The following LNX1 variants were observed in gnomAD, a reference collection of about 807,000 sequenced individuals.
The protein encoded by LNX1 is E3 ubiquitin-protein ligase LNX.
Under a neutral mutation model 68.4 loss-of-function variants are expected in LNX1, and 54 were observed. The ratio of observed to expected loss-of-function variants is 0.79; its 90% CI spans 0.63 to 0.99. The LOEUF is 0.99. Among genes scored for constraint, LNX1 ranks in the 50% least tolerant of loss-of-function variants. The probability of loss-of-function intolerance (pLI) is 0.00; values close to 1 mark genes in which losing one functional copy is unlikely to be tolerated. For missense variants in LNX1, 906 were observed against 926.4 expected (o/e 0.98, Z 0.29); for synonymous variants, 336 against 350.0 (o/e 0.96, Z 0.45).
chr4:53,476,728 A>G, intron 9 of LNX1, 25 bp downstream of exon 9: 1 of 1,590,262 alleles, frequency 6.3e-7, no homozygotes, highest in Non-Finnish European at 8.6e-7. Flanking sequence ...CCACGCCCCT[A>G]CAGGGATGTT....
At chr4:53,564,951 A>C (rs1730553618) in intron 2 of LNX1, among the ~76,000 whole-genome samples, 1 of 152,200 alleles carries the variant, frequency 6.6e-6, no homozygotes, top group African/African-American at 2.4e-5. Context: ...GGGCTTAAAA[A>C]ATGGCGCACC....
At chr4:53,541,136 C>CA (rs72599381) in intron 2 of LNX1, among the ~76,000 whole-genome samples, 410 of 24,102 alleles carry the variant, frequency 0.017, 4 homozygotes, top group African/African-American at 0.043. Context: ...GACTCTAACT[C>CA]AAAAAAAAAA....
At chr4:53,632,199 A>G (rs1488400612) in intron 1 of LNX1, among the ~76,000 whole-genome samples, 1 of 152,060 alleles carries the variant, frequency 6.6e-6, no homozygotes, top group African/African-American at 2.4e-5. Flanking sequence ...AGGTCTTTGG[A>G]ACTGACATCA....
intron 6 of LNX1, among the ~76,000 whole-genome samples, chr4:53,491,113 T>G (rs1202300851): frequency 6.6e-6 from 1 of 152,210 alleles, no homozygotes; most frequent in African/African-American, 2.4e-5. Context: ...TTTTTCCAAA[T>G]GACATGATGA....
chr4:53,579,630 A>T (rs1386499118), intron 1 of LNX1, among the ~76,000 whole-genome samples: 1 of 152,114 alleles, frequency 6.6e-6, no homozygotes, highest in Non-Finnish European at 1.5e-5. Flanking sequence ...GTCTACTGTC[A>T]ACGCACTAGA....
chr4:53,518,858 C>T (rs1034065340), intron 2 of LNX1, among the ~76,000 whole-genome samples: 1 of 152,116 alleles, frequency 6.6e-6, no homozygotes, highest in Admixed American at 6.6e-5. Context: ...TTTTCATAAC[C>T]TTATATTCTT....
chr4:53,516,380 T>C (rs1003360571), intron 2 of LNX1, among the ~76,000 whole-genome samples: 8 of 152,112 alleles, frequency 5.3e-5, no homozygotes, highest in African/African-American at 1.9e-4. Flanking sequence ...AAAACGACAA[T>C]GTATGCACTT....
At chr4:53,469,837 A>C (rs1337541200) in intron 9 of LNX1, among the ~76,000 whole-genome samples, 1 of 152,220 alleles carries the variant, frequency 6.6e-6, no homozygotes, top group Non-Finnish European at 1.5e-5. Flanking sequence ...TCTGAAATTG[A>C]GGCAATAATT....
At chr4:53,494,039 T>C (rs1313143632) in intron 6 of LNX1, among the ~76,000 whole-genome samples, 1 of 152,172 alleles carries the variant, frequency 6.6e-6, no homozygotes, top group Non-Finnish European at 1.5e-5. Context: ...CCAGGTACTA[T>C]TTATCATTTC....
chr4:53,645,148 G>A (rs752445387), intron 1 of LNX1, among the ~76,000 whole-genome samples: 2 of 152,160 alleles, frequency 1.3e-5, no homozygotes, highest in Admixed American at 6.5e-5. Context: ...CCTGGGGCAG[G>A]AGTGTAACCT....
chr4:53,489,146 T>C (rs1724518332), intron 6 of LNX1, among the ~76,000 whole-genome samples: 1 of 152,176 alleles, frequency 6.6e-6, no homozygotes, highest in East Asian at 1.9e-4. Context: ...TATGAGTATC[T>C]CATGCTGAAG....
chr4:53,645,818 T>C (rs1360307550), intron 1 of LNX1, among the ~76,000 whole-genome samples: 1 of 152,214 alleles, frequency 6.6e-6, no homozygotes, highest in Non-Finnish European at 1.5e-5. Context: ...TAAAGATGTT[T>C]TGAATGAATA....
intron 2 of LNX1, among the ~76,000 whole-genome samples, chr4:53,528,937 G>A (rs947237827): frequency 1.3e-5 from 2 of 151,966 alleles, no homozygotes; most frequent in African/African-American, 4.8e-5. Flanking sequence ...GGTGGGAAGA[G>A]GCTACCCATA....
chr4:53,541,120 G>A (rs2109659262), intron 2 of LNX1, among the ~76,000 whole-genome samples: 1 of 144,792 alleles, frequency 6.9e-6, no homozygotes, highest in African/African-American at 2.6e-5. Context: ...CTGGGTGACA[G>A]AGCGAGACTC....
intron 2 of LNX1, among the ~76,000 whole-genome samples, chr4:53,542,597 G>C (rs2109664520): frequency 6.6e-6 from 1 of 152,254 alleles, no homozygotes; most frequent in East Asian, 1.9e-4. Flanking sequence ...AGAGGACAGA[G>C]GCAAGAGGAG....
chr4:53,632,535 G>A (rs779308093), intron 1 of LNX1, among the ~76,000 whole-genome samples: 2 of 152,224 alleles, frequency 1.3e-5, no homozygotes, highest in African/African-American at 2.4e-5. Context: ...CTCATGGCAG[G>A]ATGAATTCTG....
rs1478251934 is a variant in LNX1 at position 53,581,510 on chromosome 4, G to T, written c.-86-7422C>A. Among the ~76,000 whole-genome samples, 3 of 152,150 alleles carry T rather than the reference G, an allele frequency of 2.0e-5. No individual in the cohort carries two copies. In the East Asian group the frequency reaches 5.8e-4, roughly 29 times the overall value. On this transcript the variant is annotated intron_variant, in intron 1 of 10. Transcript: ENST00000263925. The stretch of plus-strand genomic sequence containing the variant: ...CTGGGTGATTTATAAAGAAAAAGAG[G>T]TTTAATGGACTCACAGTTCCATATG...
intron 6 of LNX1, among the ~76,000 whole-genome samples, chr4:53,484,493 G>C (rs1250038526): frequency 6.6e-6 from 1 of 151,952 alleles, no homozygotes; most frequent in Non-Finnish European, 1.5e-5. Context: ...AACCCAGAGG[G>C]TGGAGGTTGC....
intron 8 of LNX1, 118 bp from the exon 9 acceptor site, chr4:53,477,099 T>G (rs1181602240): frequency 5.8e-6 from 5 of 861,854 alleles, no homozygotes; most frequent in Non-Finnish European, 9.6e-6. Flanking sequence ...GGCAAAGGTT[T>G]TCTTTGTTGA....
Sources: gnomAD v4.1 joint callset for allele counts (sites outside exome capture counted in the v4.1 genomes callset) on GRCh38, gnomAD v4.1.1 for gene constraint, MANE v1.5 for transcripts, NCBI Gene and HGNC (gene_info 2026-07-23, HGNC 2026-07-21) for gene names.